Variants in SLCO3A1 observed in about 807,000 individuals in gnomAD.
SLCO3A1 encodes the protein PGE1 transporter.
Under a neutral mutation model 63.1 loss-of-function variants are expected in SLCO3A1, and 27 were observed. The ratio of observed to expected loss-of-function variants is 0.43; its 90% CI spans 0.32 to 0.59. The LOEUF (loss-of-function observed/expected upper bound fraction) is 0.59. Among genes scored for constraint, SLCO3A1 ranks in the 20% least tolerant of loss-of-function variants. The pLI is 0.09. For missense variants in SLCO3A1, 773 were observed against 945.8 expected, an observed-to-expected ratio of 0.82 and a Z score of 2.40; for synonymous variants, 473 against 409.9, an observed-to-expected ratio of 1.15 and a Z score of -1.86.
At chr15:92,094,802 A>C (rs773415231) in intron 2 of SLCO3A1, 79 bp from the exon 3 acceptor site, 23 of 879,006 alleles carry the variant, frequency 2.6e-5, no homozygotes, top group Non-Finnish European at 1.9e-6. Context: ...AATGTAAAAT[A>C]ATCTCCTTGA....
chr15:92,151,249 T>C, intron 9 of SLCO3A1: 1 of 437,558 alleles, frequency 2.3e-6, no homozygotes. Flanking sequence ...CACCGTGAAT[T>C]CTCATCGGCA....
intron 2 of SLCO3A1, among the ~76,000 whole-genome samples, chr15:91,979,411 C>G (rs888548842): frequency 2.6e-5 from 4 of 152,182 alleles, no homozygotes; most frequent in Admixed American, 1.3e-4. Flanking sequence ...TGGAATTCTC[C>G]ACTTGGCAGT....
At chr15:91,943,573 C>T (rs1567197194) in intron 2 of SLCO3A1, among the ~76,000 whole-genome samples, 2 of 152,152 alleles carry the variant, frequency 1.3e-5, no homozygotes, top group African/African-American at 4.8e-5. Flanking sequence ...TTTTGAGTTC[C>T]TGCTTTTAAT....
At chr15:91,890,288 T>C (rs1032574480) in intron 1 of SLCO3A1, among the ~76,000 whole-genome samples, 4 of 152,242 alleles carry the variant, frequency 2.6e-5, no homozygotes, top group Non-Finnish European at 5.9e-5. Context: ...TCCATCACCA[T>C]ACTCATCCAT....
intron 9 of SLCO3A1, among the ~76,000 whole-genome samples, chr15:92,151,851 A>AAGTATATAAT (rs1235046740): frequency 6.6e-6 from 1 of 152,262 alleles, no homozygotes; most frequent in Non-Finnish European, 1.5e-5. Flanking sequence ...TCCTCATTCC[A>AAGTATATAAT]CGTATATAAT....
rs1342335208 is a variant in SLCO3A1, at chr15:91,954,516, G to A, written c.646+38058G>A. Among the ~76,000 whole-genome samples the A allele has an allele frequency of 6.6e-6, 1 of 152,224 alleles. No individual in the cohort carries two copies. Among genetic ancestry groups the A allele is most frequent in the East Asian group, 1.9e-4 (1 of 5,190 alleles). The stretch of plus-strand genomic sequence containing the variant: ...CACTGGGAGAGGGCTGTGTGGGAGA[G>A]TGATGAACAGCCTACCTGGTCAGGT... On this transcript the variant is annotated intron_variant, in intron 2 of 9. Transcript: ENST00000318445. This position sits in a 1 kb window ranked among gnomAD's most constrained non-coding sequence, Gnocchi z 4.7.
At chr15:91,980,619 A>G (rs8039997) in intron 2 of SLCO3A1, among the ~76,000 whole-genome samples, 4,887 of 152,080 alleles carry the variant, frequency 0.032, 262 homozygotes, top group African/African-American at 0.11. Context: ...ATTCCATAAG[A>G]AGCGTAGCCC....
At chr15:91,927,730 A>G (rs1468163417) in intron 2 of SLCO3A1, among the ~76,000 whole-genome samples, 2 of 152,238 alleles carry the variant, frequency 1.3e-5, no homozygotes, top group Non-Finnish European at 2.9e-5. Flanking sequence ...TATTACCATA[A>G]GAACATTCAC....
rs183376189 is a variant in SLCO3A1 at position 91,916,902 on chromosome 15, G to C, written c.646+444G>C. ...AAAAGGAGAGGTGATGGCTTTGCCA[G>C]CATTTGGCATCATTCGAAGTTGGTG... On this transcript the variant is annotated intron_variant, in intron 2 of 9. Coordinates refer to ENST00000318445, the MANE Select transcript of SLCO3A1 (RefSeq NM_013272.4). This position sits in a 1 kb window ranked among gnomAD's most constrained non-coding sequence, Gnocchi z 6.2. 7.4e-4 allele frequency among the ~76,000 whole-genome samples: 112 copies of C among 152,332 alleles called. No individual in the cohort carries two copies. Among genetic ancestry groups the C allele is most frequent in the Non-Finnish European group, 1.5e-3 (99 of 68,026 alleles).
chr15:91,932,796 C>T (rs1026257971), intron 2 of SLCO3A1, among the ~76,000 whole-genome samples: 5 of 152,218 alleles, frequency 3.3e-5, no homozygotes, highest in African/African-American at 1.2e-4. Flanking sequence ...ATCCCATTCT[C>T]ATGGTCGTTA....
At chr15:92,122,449 T>G (rs1444210513) in intron 5 of SLCO3A1, among the ~76,000 whole-genome samples, 1 of 152,230 alleles carries the variant, frequency 6.6e-6, no homozygotes, top group African/African-American at 2.4e-5. Context: ...CAGAGAAATG[T>G]ACATTGGAAC....
chr15:91,930,393 C>T (rs977114691), intron 2 of SLCO3A1, among the ~76,000 whole-genome samples: 21 of 152,250 alleles, frequency 1.4e-4, no homozygotes, highest in South Asian at 2.1e-4. Flanking sequence ...GAGAGATGTG[C>T]GTTGTTCTGG....
At chr15:92,067,310 C>T (rs2047163600) in intron 2 of SLCO3A1, among the ~76,000 whole-genome samples, 1 of 152,210 alleles carries the variant, frequency 6.6e-6, no homozygotes, top group Non-Finnish European at 1.5e-5. Flanking sequence ...CGATCCCCTC[C>T]TCCCTCTGCT....
intron 7 of SLCO3A1, among the ~76,000 whole-genome samples, chr15:92,131,588 G>C (rs1344315108): frequency 6.9e-6 from 1 of 144,674 alleles, no homozygotes; most frequent in Non-Finnish European, 1.5e-5. Flanking sequence ...GGCTGGTCTT[G>C]AACTCCTGAC....
chr15:91,988,690 G>T (rs1231329956), intron 2 of SLCO3A1, among the ~76,000 whole-genome samples: 1 of 152,064 alleles, frequency 6.6e-6, no homozygotes, highest in Non-Finnish European at 1.5e-5. Flanking sequence ...CTCTAAGGTG[G>T]AGCCTGAAAA....
intron 2 of SLCO3A1, among the ~76,000 whole-genome samples, chr15:92,065,466 T>C (rs2047139752): frequency 6.6e-6 from 1 of 152,168 alleles, no homozygotes; most frequent in Non-Finnish European, 1.5e-5. Context: ...GTACAACTAT[T>C]AGGTATTCAT....
rs1370529315 is a variant in SLCO3A1 at position 91,879,246 on chromosome 15, C to T, written c.180+25158C>T. 3.3e-5 allele frequency among the ~76,000 whole-genome samples: 5 copies of T among 151,304 alleles called. No homozygotes were observed. In the South Asian group the frequency reaches 6.3e-4, roughly 19 times the overall value. On this transcript the variant is annotated intron_variant, in intron 1 of 9. Transcript: ENST00000318445. The stretch of plus-strand genomic sequence containing the variant: ...TGAGTGGGTGCCTATAAAGCAGGTA[C>T]GTTTTGCACACCACTTACACTGTGA...
At chr15:92,168,764 C>G (rs2048506653), downstream of SLCO3A1, among the ~76,000 whole-genome samples, 1 of 152,200 alleles carries the variant, frequency 6.6e-6, no homozygotes, top group South Asian at 2.1e-4. Context: ...GTAAGTACCC[C>G]TTTGCTCTCA....
At chr15:92,146,042 A>G (rs1164315326) in intron 7 of SLCO3A1, among the ~76,000 whole-genome samples, 1 of 152,202 alleles carries the variant, frequency 6.6e-6, no homozygotes, top group Non-Finnish European at 1.5e-5. Context: ...TTTGACCCTC[A>G]GGAGGATTTA....
Sources: allele counts gnomAD v4.1 joint callset (sites outside exome capture counted in the v4.1 genomes callset), GRCh38; gene constraint gnomAD v4.1.1; non-coding constraint Gnocchi (gnomAD v3.1); transcripts MANE v1.5; gene names NCBI Gene and HGNC (gene_info 2026-07-23, HGNC 2026-07-21).